The following HACE1 variants were observed in gnomAD, a reference collection of about 807,000 sequenced individuals.
The protein encoded by HACE1 is HECT domain and ankyrin repeat containing E3 ubiquitin protein ligase 1.
HACE1 carries 73 observed loss-of-function variants against 118.4 expected under a neutral mutation model. The observed-to-expected ratio is 0.62, with a 90% CI of 0.51 to 0.75. The LOEUF is 0.75. Ranked by LOEUF, HACE1 falls within the 30% of genes least tolerant of loss-of-function variation. The probability of loss-of-function intolerance (pLI) is 0.00; values close to 1 mark genes in which losing one functional copy is unlikely to be tolerated. For missense variants in HACE1, 749 were observed against 1,102.2 expected (o/e 0.68, Z 4.54); for synonymous variants, 368 against 374.8 (o/e 0.98, Z 0.21).
intron 5 of HACE1, among the ~76,000 whole-genome samples, chr6:104,838,547 C>T (rs978113123): frequency 1.3e-5 from 2 of 151,952 alleles, no homozygotes; most frequent in African/African-American, 4.8e-5. Context: ...TTGCCATATA[C>T]AAAAATCAAA....
chr6:104,739,419 C>A (rs915259030), intron 22 of HACE1, among the ~76,000 whole-genome samples: 3 of 152,040 alleles, frequency 2.0e-5, no homozygotes, highest in East Asian at 1.9e-4. Flanking sequence ...ATTCAGGAAA[C>A]CCATCTCACG....
Position 104,815,250 on chromosome 6 carries a change from G to C in HACE1, c.535-3857C>G, listed in dbSNP as rs1029271263. Among the ~76,000 whole-genome samples the C allele has an allele frequency of 2.9e-5, 4 of 138,524 alleles. 1 individual carries two copies. The highest frequency in any genetic ancestry group is 6.2e-5 in the Non-Finnish European group (4 of 64,336). The allele number at this position is 138,524 out of a possible 152,430, so 90.9% of individuals were successfully genotyped here. ...GAGATGAGGAACTTATTGGCAACTG[G>C]AGTAAAGATCACTCTTGCTATGCTT... On this transcript the variant is annotated intron_variant, in intron 6 of 23. Transcript: ENST00000262903.
chr6:104,789,368 T>C (rs1030167632), intron 11 of HACE1, among the ~76,000 whole-genome samples: 2 of 152,000 alleles, frequency 1.3e-5, no homozygotes, highest in African/African-American at 4.8e-5. Context: ...TGAGAAGAAA[T>C]AGTAGTTGTC....
chr6:104,776,896 A>G (rs1781276628), intron 16 of HACE1, 68 bp from the exon 17 acceptor site: 2 of 1,341,878 alleles, frequency 1.5e-6, no homozygotes, highest in African/African-American at 2.9e-5. Flanking sequence ...TTTCTAAATA[A>G]CAAAATTTAA....
chr6:104,811,548 A>T (rs1771627681), intron 6 of HACE1, among the ~76,000 whole-genome samples, 155 bp from the exon 7 acceptor site: 1 of 152,068 alleles, frequency 6.6e-6, no homozygotes, highest in South Asian at 2.1e-4. Context: ...GGCTGAGCAA[A>T]TTCAACTTTT....
intron 4 of HACE1, among the ~76,000 whole-genome samples, chr6:104,845,547 G>A (rs1223855081): frequency 1.4e-5 from 2 of 144,788 alleles, no homozygotes; most frequent in African/African-American, 5.1e-5. Context: ...GCACGATCTC[G>A]GCTCACTGCA....
At position 104,833,119 on chromosome 6, in the gene HACE1, G is replaced by A; in HGVS notation, c.457C>T (p.His153Tyr). The A allele has an allele frequency of 1.2e-6, 2 of 1,613,158 alleles. No homozygotes were observed. The highest frequency in any genetic ancestry group is 1.7e-6 in the Non-Finnish European group (2 of 1,179,100). The change falls in exon 6 of 24, where the codon CAT (histidine) becomes TAT (tyrosine). Residue 153 changes from histidine to tyrosine, a missense_variant. His to Tyr is a moderately conservative substitution (Grantham distance 83). Around this residue, in one of 5 missense-constraint regions of HACE1, gnomAD observed 120 missense variants for 219.1 expected, o/e 0.55. Transcript: ENST00000262903. ...RTELLHDLVQ[H>Y]VSDVDVEDAM... ...TCCTCAACATCAACATCACTGACAT[G>A]CTGCACAAGGTCATGGAGTAGTTCT...
At chr6:104,828,804 C>A (rs1773579895) in intron 6 of HACE1, among the ~76,000 whole-genome samples, 1 of 151,956 alleles carries the variant, frequency 6.6e-6, no homozygotes, top group Admixed American at 6.6e-5. Context: ...TCTTCTGAAT[C>A]TTTTATCCTT....
chr6:104,780,984 G>C (rs1781677482), intron 14 of HACE1, among the ~76,000 whole-genome samples: 1 of 152,004 alleles, frequency 6.6e-6, no homozygotes, highest in South Asian at 2.1e-4. Context: ...TAGATTTAAG[G>C]TGTGTATCCT....
At position 104,791,565 on chromosome 6, in the gene HACE1, G is replaced by C; in HGVS notation, c.1013C>G (p.Pro338Arg). 6.2e-7 allele frequency: 1 copy of C among 1,611,754 alleles called. No homozygotes were observed. ...GTAGCCCATATCAATTCCATTACTG[G>C]GGGAGGATGGACCAATTCGAAAGAC... ...CHVFRIGPSS[P>R]SNGIDMGYNG... The change falls in exon 11 of 24, where the codon CCC becomes CGC. Residue 338 changes from proline (P) to arginine (R), a missense_variant. Pro to Arg is a moderately radical substitution (Grantham distance 103). Coordinates refer to ENST00000262903, the MANE Select transcript of HACE1 (RefSeq NM_020771.4).
chr6:104,735,404 G>A (rs907737393), intron 22 of HACE1, among the ~76,000 whole-genome samples: 11 of 152,042 alleles, frequency 7.2e-5, no homozygotes, highest in East Asian at 1.9e-4. Context: ...AGGCCGAGGC[G>A]GGCAGATCAC....
At chr6:104,793,008 C>G (rs1342111072) in intron 10 of HACE1, among the ~76,000 whole-genome samples, 1 of 152,152 alleles carries the variant, frequency 6.6e-6, no homozygotes, top group Non-Finnish European at 1.5e-5. Context: ...GTGGCTCACG[C>G]CTGTAATCCC....
intron 7 of HACE1, among the ~76,000 whole-genome samples, chr6:104,800,020 T>C (rs1323262874): frequency 6.6e-6 from 1 of 152,116 alleles, no homozygotes; most frequent in African/African-American, 2.4e-5. Context: ...ACGGCGCTTT[T>C]CCCAAGGTCT....
chr6:104,747,396 C>T lies in HACE1; in HGVS notation c.2344-2786G>A, dbSNP rs111812600. Among the ~76,000 whole-genome samples, 458 of 152,254 alleles carry T rather than the reference C, an allele frequency of 3.0e-3. 6 individuals are homozygous for T. The highest frequency in any genetic ancestry group is 0.011 in the African/African-American group (443 of 41,542). On this transcript the variant is annotated intron_variant, in intron 20 of 23. Coordinates refer to ENST00000262903, the MANE Select transcript of HACE1 (RefSeq NM_020771.4). ...CCTCCAGTTCAGTACACTGGAGCTA[C>T]TCGATACCTTCTCCTCACTAAAACT...
At chr6:104,784,392 T>C in intron 13 of HACE1, 25 bp downstream of exon 13, 1 of 1,463,344 alleles carries the variant, frequency 6.8e-7, no homozygotes, top group African/African-American at 1.4e-5. Context: ...GCTAGCAGGG[T>C]ACTCCACAAA....
Position 104,795,690 on chromosome 6 carries a change from AT to A in HACE1, c.817-6del. The stretch of plus-strand genomic sequence containing the variant: ...ATGCTCCAGAACTTGCCGTAACTAA[AT>A]TTTTTACAAATAAAAAAATGTGATT... On this transcript the variant is annotated splice_region_variant and splice_polypyrimidine_tract_variant and intron_variant, in intron 9 of 23. Coordinates refer to ENST00000262903, the MANE Select transcript of HACE1 (RefSeq NM_020771.4). 1 of 1,555,706 alleles carries A rather than the reference AT, an allele frequency of 6.4e-7. No individual in the cohort carries two copies. Among genetic ancestry groups the A allele is most frequent in the Non-Finnish European group, 8.9e-7 (1 of 1,126,836 alleles).
chr6:104,764,114 G>A (rs1483557247), intron 19 of HACE1, among the ~76,000 whole-genome samples: 2 of 152,060 alleles, frequency 1.3e-5, no homozygotes, highest in Non-Finnish European at 2.9e-5. Flanking sequence ...TCACTCTGTT[G>A]CTCAGGCTGG....
chr6:104,790,046 C>A (rs1782853765), intron 11 of HACE1, among the ~76,000 whole-genome samples: 1 of 151,474 alleles, frequency 6.6e-6, no homozygotes, highest in South Asian at 2.1e-4. Flanking sequence ...TAACTTCATT[C>A]TTCCAGGAGG....
Position 104,852,332 on chromosome 6 carries a change from A to G in HACE1, c.116T>C (p.Met39Thr), listed in dbSNP as rs1357006702. 6.2e-7 allele frequency: 1 copy of G among 1,610,766 alleles called. No homozygotes were observed. Among genetic ancestry groups the G allele is most frequent in the Non-Finnish European group, 8.5e-7 (1 of 1,177,034 alleles). Residue 39 changes from methionine to threonine, a missense_variant, in exon 2 of 24, where the codon ATG (methionine) becomes ACG (threonine). Physicochemically the swap from Met to Thr is moderately conservative, Grantham distance 81 (BLOSUM62 -1). Transcript: ENST00000262903. ...AAGCACTCACCTGTGTTGATCAGCC[A>G]TAACCATTGGCATTAATGTATAAAC... ...TAVYTLMPMV[M>T]ADQHRSVSEL...
Sources: allele counts gnomAD v4.1 joint callset (sites outside exome capture counted in the v4.1 genomes callset), GRCh38; gene constraint gnomAD v4.1.1; regional missense constraint gnomAD v4.1.1; transcripts MANE v1.5; gene names NCBI Gene and HGNC (gene_info 2026-07-23, HGNC 2026-07-21).